ADIPOR2: variants seen among roughly 807,000 people sequenced by gnomAD.
ADIPOR2 encodes the protein adiponectin receptor protein 2.
In ADIPOR2, 18 loss-of-function variants were observed where a neutral mutation model predicts 40.9. The observed-to-expected ratio is 0.44, with a 90% CI of 0.30 to 0.65. The LOEUF is 0.65. ADIPOR2 is among the 30% of genes least tolerant of loss of function. ADIPOR2 has a pLI of 0.09. For synonymous variants in ADIPOR2, 165 were observed against 166.4 expected, an observed-to-expected ratio of 0.99 and a Z score of 0.06; for missense variants, 283 against 479.2, an observed-to-expected ratio of 0.59 and a Z score of 3.82.
intron 1 of ADIPOR2, among the ~76,000 whole-genome samples, chr12:1,708,067 T>C (rs2094667221): frequency 6.6e-6 from 1 of 151,732 alleles, no homozygotes; most frequent in Non-Finnish European, 1.5e-5. Context: ...GAATAAAAAA[T>C]AATACAAATA....
chr12:1,712,451 C>T (rs2154441804), intron 1 of ADIPOR2, among the ~76,000 whole-genome samples: 1 of 152,226 alleles, frequency 6.6e-6, no homozygotes. Flanking sequence ...TATAAGACGG[C>T]CACTGCTGCA....
chr12:1,727,434 T>C (rs2094710028), intron 1 of ADIPOR2, among the ~76,000 whole-genome samples: 1 of 152,202 alleles, frequency 6.6e-6, no homozygotes, highest in Non-Finnish European at 1.5e-5. Context: ...CCAATAAGCA[T>C]TGCATGTATA....
intron 2 of ADIPOR2, chr12:1,757,888 G>A: frequency 2.4e-6 from 2 of 817,432 alleles, no homozygotes; most frequent in Non-Finnish European, 4.4e-6. Flanking sequence ...ATGATGGGGA[G>A]ACACTCTCTC....
intron 1 of ADIPOR2, among the ~76,000 whole-genome samples, chr12:1,753,506 G>A (rs777661591): frequency 1.3e-5 from 2 of 152,220 alleles, no homozygotes; most frequent in African/African-American, 2.4e-5. Flanking sequence ...GATGTAAAAC[G>A]TGTATGCTTT....
intron 1 of ADIPOR2, among the ~76,000 whole-genome samples, chr12:1,734,267 T>C (rs2154442664): frequency 6.6e-6 from 1 of 152,290 alleles, no homozygotes; most frequent in Non-Finnish European, 1.5e-5. Flanking sequence ...TTCTCTCCAG[T>C]ACCTGTTGTT....
intron 2 of ADIPOR2, among the ~76,000 whole-genome samples, chr12:1,756,856 G>A (rs1017405476): frequency 6.6e-6 from 1 of 152,142 alleles, no homozygotes; most frequent in Non-Finnish European, 1.5e-5. Flanking sequence ...TGGATTAGCT[G>A]TAGAGTGAGG....
At position 1,718,404 on chromosome 12, in the gene ADIPOR2, G is replaced by T. The variant is rs546753098; in HGVS notation, c.-87+27213G>T. Among the ~76,000 whole-genome samples the T allele has an allele frequency of 6.5e-4, 99 of 152,146 alleles. No individual in the cohort carries two copies. The South Asian group carries it at 0.02, about 31-fold the overall frequency. ...TATTTTCAACTCCTTGTTTTTTAAAGCTTTAGAACTTGACTTTGTACTCTT... is the reference window on the plus strand; with the variant it reads ...TATTTTCAACTCCTTGTTTTTTAAATCTTTAGAACTTGACTTTGTACTCTT... On this transcript the variant is annotated intron_variant, in intron 1 of 7. Transcript: ENST00000357103.
chr12:1,709,670 T>G (rs761744523), intron 1 of ADIPOR2, among the ~76,000 whole-genome samples: 2 of 152,184 alleles, frequency 1.3e-5, no homozygotes, highest in Non-Finnish European at 2.9e-5. Context: ...GTAGAGATCA[T>G]TCAACAGATG....
In ADIPOR2 at chr12:1,787,104, ACT is replaced by A. The variant is rs1049820425; in HGVS notation, c.*1037_*1038del. 3.3e-5 allele frequency: 5 copies of A among 151,868 alleles called. No individual in the cohort carries two copies. Among genetic ancestry groups the A allele is most frequent in the Non-Finnish European group, 7.4e-5 (5 of 67,968 alleles). 9.4% of individuals were successfully genotyped at this position (151,868 alleles called of 1,614,324 possible). The stretch of plus-strand genomic sequence containing the variant: ...TATCCTTGCTGTGGAGCTCTGGAAC[ACT>A]CTCTAAATTTCCCTCTATTAAAAAT... On this transcript the variant is annotated 3_prime_UTR_variant, in exon 8 of 8. Transcript: ENST00000357103.
intron 2 of ADIPOR2, among the ~76,000 whole-genome samples, chr12:1,759,841 A>G (rs1211999979): frequency 6.6e-6 from 1 of 152,068 alleles, no homozygotes; most frequent in East Asian, 1.9e-4. Flanking sequence ...CGTGTCCATC[A>G]TGCTGAAACC....
intron 1 of ADIPOR2, among the ~76,000 whole-genome samples, chr12:1,711,106 C>G (rs1378355494): frequency 6.6e-6 from 1 of 152,124 alleles, no homozygotes; most frequent in Non-Finnish European, 1.5e-5. Context: ...CATTCTTCCC[C>G]TAAGAAGGTG....
intron 1 of ADIPOR2, among the ~76,000 whole-genome samples, chr12:1,751,160 T>G (rs956700900): frequency 1.3e-5 from 2 of 152,156 alleles, no homozygotes; most frequent in Non-Finnish European, 1.5e-5. Context: ...TTTGTTAAAT[T>G]TATGGGAACC....
chr12:1,754,580 T>C, intron 2 of ADIPOR2, 66 bp downstream of exon 2: 1 of 1,463,810 alleles, frequency 6.8e-7, no homozygotes, highest in Non-Finnish European at 9.1e-7. Flanking sequence ...AGGGAGGATA[T>C]GGGGAAAAAA....
At chr12:1,691,535 G>C (rs923031385) in intron 1 of ADIPOR2, among the ~76,000 whole-genome samples, 4 of 152,244 alleles carry the variant, frequency 2.6e-5, no homozygotes, top group Non-Finnish European at 5.9e-5. Context: ...AGTTGCTCCA[G>C]CTCCCTGCCC....
intron 2 of ADIPOR2, among the ~76,000 whole-genome samples, chr12:1,756,841 C>T (rs1425622614): frequency 1.3e-5 from 2 of 152,042 alleles, no homozygotes; most frequent in Non-Finnish European, 2.9e-5. Flanking sequence ...AACAAGACTT[C>T]CTGATGGATT....
intron 1 of ADIPOR2, among the ~76,000 whole-genome samples, chr12:1,733,374 G>A (rs1171291131): frequency 6.6e-6 from 1 of 152,074 alleles, no homozygotes; most frequent in Non-Finnish European, 1.5e-5. Context: ...TTATATATAG[G>A]TGGAGAAACT....
intron 1 of ADIPOR2, among the ~76,000 whole-genome samples, chr12:1,732,213 T>C (rs1430458822): frequency 6.6e-6 from 1 of 152,246 alleles, no homozygotes; most frequent in Non-Finnish European, 1.5e-5. Flanking sequence ...GGGTTCACTC[T>C]GTGTGTTGTA....
chr12:1,748,821 CAT>C (rs953513475), intron 1 of ADIPOR2, among the ~76,000 whole-genome samples: 10 of 152,104 alleles, frequency 6.6e-5, no homozygotes, highest in Non-Finnish European at 1.2e-4. Context: ...TGATCACACA[CAT>C]GGGGTTGTTT....
At chr12:1,769,943 G>GGT (rs559274818) in intron 2 of ADIPOR2, among the ~76,000 whole-genome samples, 6 of 145,916 alleles carry the variant, frequency 4.1e-5, no homozygotes, top group Non-Finnish European at 9.1e-5. Context: ...TTTGAGACAG[G>GGT]GTGTAGCTCT....
Sources: gnomAD v4.1 joint callset for allele counts (sites outside exome capture counted in the v4.1 genomes callset) on GRCh38, gnomAD v4.1.1 for gene constraint, MANE v1.5 for transcripts, NCBI Gene and HGNC (gene_info 2026-07-23, HGNC 2026-07-21) for gene names.